Variants in MLXIP observed in about 807,000 individuals in gnomAD.
MLXIP encodes MLX interacting protein.
Under a neutral mutation model 87.2 loss-of-function variants are expected in MLXIP, and 30 were observed. The ratio of observed to expected loss-of-function variants is 0.34; its 90% CI spans 0.26 to 0.47. The LOEUF (loss-of-function observed/expected upper bound fraction) is 0.47. MLXIP is among the 20% of genes least tolerant of loss of function. The probability of loss-of-function intolerance (pLI) is 1.00; values close to 1 mark genes in which losing one functional copy is unlikely to be tolerated. For missense variants in MLXIP, 1,002 were observed against 1,240.1 expected, an observed-to-expected ratio of 0.81 and a Z score of 2.88; for synonymous variants, 530 against 514.0, an observed-to-expected ratio of 1.03 and a Z score of -0.42.
At chr12:122,112,726 A>G (rs975356318) in intron 1 of MLXIP, among the ~76,000 whole-genome samples, 5 of 152,182 alleles carry the variant, frequency 3.3e-5, no homozygotes, top group African/African-American at 1.2e-4. Flanking sequence ...ATCTATGGGA[A>G]GGGGGTGTAT....
intron 1 of MLXIP, among the ~76,000 whole-genome samples, chr12:122,119,275 G>T (rs1021472590): frequency 6.6e-6 from 1 of 152,242 alleles, no homozygotes; most frequent in Admixed American, 6.5e-5. Context: ...TTTTATTTTT[G>T]TTTTTTCACT....
intron 15 of MLXIP, 114 bp downstream of exon 15, chr12:122,139,052 C>T (rs1953149354): frequency 2.0e-6 from 3 of 1,464,740 alleles, no homozygotes; most frequent in Admixed American, 2.1e-5. Flanking sequence ...TCACCAAGCT[C>T]CTCACGACAG....
rs1312076878 is a variant in MLXIP at position 122,133,425 on chromosome 12, C to G, written c.1170C>G (p.Ser390=). Residue 390 remains serine (S), a synonymous_variant, in exon 9 of 17, where the codon TCC becomes TCG. Transcript: ENST00000319080. This position sits in a 1 kb window ranked among gnomAD's most constrained non-coding sequence, Gnocchi z 4.9. ...TCATCGCGCCCCCTACCGCCCCATC[C>G]CTGGCTCACATGGATGAGCAGGGCT... The part of the protein sequence containing the change: ...DSLIAPPTAP[S]LAHMDEQGCE... The G allele has an allele frequency of 6.2e-7, 1 of 1,612,434 alleles. No individual in the cohort carries two copies. Among genetic ancestry groups the G allele is most frequent in the Non-Finnish European group, 8.5e-7 (1 of 1,179,066 alleles).
Position 122,143,037 on chromosome 12 carries a change from G to T in MLXIP, c.*1225G>T. ...TGCTCTTCTCTGGCTACCTCTGCAG[G>T]GAGCTGCAGGGGCAAGCACTCTCTC... On this transcript the variant is annotated 3_prime_UTR_variant, in exon 17 of 17. Coordinates refer to ENST00000319080, the MANE Select transcript of MLXIP (RefSeq NM_014938.6). 6.6e-6 allele frequency: 1 copy of T among 152,658 alleles called. No homozygotes were observed. The allele number at this position is 152,658 out of a possible 1,614,324, so 9.5% of individuals were successfully genotyped here.
chr12:122,117,385 C>G (rs1169997172), intron 1 of MLXIP, among the ~76,000 whole-genome samples: 1 of 152,230 alleles, frequency 6.6e-6, no homozygotes, highest in Non-Finnish European at 1.5e-5. Context: ...CCTCAATGAA[C>G]CTTTGTTCGT....
rs1408240302 is a variant in MLXIP, at chr12:122,129,124, G to T, written c.607-13G>T. 1 of 1,599,088 alleles carries T rather than the reference G, an allele frequency of 6.3e-7. No individual in the cohort carries two copies. Among genetic ancestry groups the T allele is most frequent in the Middle Eastern group, 1.7e-4 (1 of 6,050 alleles). On this transcript the variant is annotated splice_polypyrimidine_tract_variant and intron_variant, in intron 3 of 16. Coordinates refer to ENST00000319080, the MANE Select transcript of MLXIP (RefSeq NM_014938.6). ...GAGCCCCCTCTTCACTCTGCTCTCT[G>T]TCCCTGTCCTAGGCCATCACCACGG...
At chr12:122,094,176 GTGT>G (rs1284334958) in intron 1 of MLXIP, among the ~76,000 whole-genome samples, 3,999 of 117,668 alleles carry the variant, frequency 0.034, 175 homozygotes, top group African/African-American at 0.11. Context: ...TCTGTGTGTG[GTGT>G]TGGTGTGTGT....
intron 1 of MLXIP, among the ~76,000 whole-genome samples, chr12:122,125,738 G>A (rs115536808): frequency 0.012 from 1,755 of 152,366 alleles, 31 homozygotes; most frequent in African/African-American, 0.04. Flanking sequence ...AGAGGCTGCT[G>A]CTGTCTGCGT....
At position 122,130,124 on chromosome 12, in the gene MLXIP, C is replaced by T. The variant is rs761043396; in HGVS notation, c.910+12C>T. On this transcript the variant is annotated intron_variant, in intron 6 of 16. Transcript: ENST00000319080. ...TCCCCGGGAAATAGGTAACCCAAAC[C>T]AGGGCCTTGGGCTTTGAACAGCCAG... 5 of 1,610,272 alleles carry T rather than the reference C, an allele frequency of 3.1e-6. No individual in the cohort carries two copies. The Admixed American group carries it at 8.4e-5, about 27-fold the overall frequency.
Position 122,145,016 on chromosome 12 carries a change from T to A in MLXIP, c.*3204T>A, listed in dbSNP as rs1301116445. On this transcript the variant is annotated 3_prime_UTR_variant, in exon 17 of 17. Transcript: ENST00000319080. Reference sequence around the variant, plus strand: ...CAGCCCCTGCACTGCACTGCTGCCTTCCATGGTGGGTGGGAGACCCCAGAG... The same window carrying A: ...CAGCCCCTGCACTGCACTGCTGCCTACCATGGTGGGTGGGAGACCCCAGAG... 2.0e-5 allele frequency: 3 copies of A among 152,234 alleles called. No individual in the cohort carries two copies. Among genetic ancestry groups the A allele is most frequent in the Non-Finnish European group, 4.4e-5 (3 of 68,058 alleles). The allele number at this position is 152,234 out of a possible 1,614,324, so 9.4% of individuals were successfully genotyped here. A position where few individuals can be genotyped will look rare whatever the true frequency, so the allele number is the denominator to read the frequency against.
At chr12:122,103,217 ATT>A (rs773219740) in intron 1 of MLXIP, among the ~76,000 whole-genome samples, 59,174 of 148,452 alleles carry the variant, frequency 0.4, 11,888 homozygotes, top group Middle Eastern at 0.53. Flanking sequence ...TTATTTATTT[ATT>A]TATTTATTTA....
intron 1 of MLXIP, among the ~76,000 whole-genome samples, chr12:122,106,291 C>T (rs768866507): frequency 7.2e-5 from 11 of 152,184 alleles, no homozygotes; most frequent in Non-Finnish European, 1.2e-4. Flanking sequence ...TTGGAGACTC[C>T]GCTCAGGCAT....
At position 122,141,082 on chromosome 12, in the gene MLXIP, G is replaced by A. The variant is rs753982422; in HGVS notation, c.2637G>A (p.Pro879=). The A allele has an allele frequency of 2.8e-5, 45 of 1,608,306 alleles. No individual in the cohort carries two copies. The highest frequency in any genetic ancestry group is 6.6e-5 in the South Asian group (6 of 90,970). Residue 879 remains proline (P), a splice_region_variant and synonymous_variant, in exon 16 of 17, where the codon CCG becomes CCA. Transcript: ENST00000319080. ...ACTGCTCCCTGCCCATCCTCAGGCC[G>A]AGTGAGTGGGGCAGTGCCAGGGTGG... is the stretch of plus-strand genomic sequence containing the variant. The part of the protein sequence containing the change: ...DQHCSLPILR[P]MVLSTLRQLS...
chr12:122,142,528 C>A lies in MLXIP; in HGVS notation c.*716C>A, dbSNP rs1953228516. 4 of 349,738 alleles carry A rather than the reference C, an allele frequency of 1.1e-5. No individual in the cohort carries two copies. 21.7% of individuals were successfully genotyped at this position (349,738 alleles called of 1,614,324 possible). A position where few individuals can be genotyped will look rare whatever the true frequency, so the allele number is the denominator to read the frequency against. Reference sequence around the variant, plus strand: ...CCTGCTGGGCATGTTTCATCTGTCCCCTTTTAGCTCCACCTGACATTGCAG... The same window carrying A: ...CCTGCTGGGCATGTTTCATCTGTCCACTTTTAGCTCCACCTGACATTGCAG... On this transcript the variant is annotated 3_prime_UTR_variant, in exon 17 of 17. Transcript: ENST00000319080.
At chr12:122,094,785 GGT>G (rs1421347989) in intron 1 of MLXIP, among the ~76,000 whole-genome samples, 29 of 138,392 alleles carry the variant, frequency 2.1e-4, no homozygotes, top group Admixed American at 1.3e-3. Flanking sequence ...GTTGGTGTGG[GGT>G]GTGTGTTATG....
At chr12:122,121,464 C>A (rs559605409) in intron 1 of MLXIP, among the ~76,000 whole-genome samples, 31 of 151,902 alleles carry the variant, frequency 2.0e-4, no homozygotes, top group Non-Finnish European at 3.5e-4. Context: ...GACAGGATTT[C>A]ACCATGTTGG....
chr12:122,121,783 T>C (rs1016668524), intron 1 of MLXIP, among the ~76,000 whole-genome samples: 7 of 152,204 alleles, frequency 4.6e-5, no homozygotes, highest in Non-Finnish European at 7.3e-5. Context: ...GAGGAATTCA[T>C]AGTTTGCTAG....
intron 1 of MLXIP, among the ~76,000 whole-genome samples, chr12:122,112,068 C>T (rs1289647740): frequency 6.6e-6 from 1 of 152,172 alleles, no homozygotes; most frequent in East Asian, 1.9e-4. Flanking sequence ...TGGGTGCTAA[C>T]CTTACTTAGA....
Position 122,127,249 on chromosome 12 carries a change from C to T in MLXIP, c.414-7C>T, listed in dbSNP as rs926945927. On this transcript the variant is annotated splice_region_variant and splice_polypyrimidine_tract_variant and intron_variant, in intron 1 of 16. Transcript: ENST00000319080. ...ACTGAGTCTCCCCGCTTTGCCTTGC[C>T]TTTCAGTGGGAAGTTGGTGTCTCCA... 7 of 1,609,842 alleles carry T rather than the reference C, an allele frequency of 4.3e-6. No individual in the cohort carries two copies. Among genetic ancestry groups the T allele is most frequent in the Non-Finnish European group, 5.9e-6 (7 of 1,176,550 alleles).
Sources: allele counts gnomAD v4.1 joint callset (sites outside exome capture counted in the v4.1 genomes callset), GRCh38; gene constraint gnomAD v4.1.1; non-coding constraint Gnocchi (gnomAD v3.1); transcripts MANE v1.5; gene names NCBI Gene and HGNC (gene_info 2026-07-23, HGNC 2026-07-21).